Variants in DSCAML1 observed in about 807,000 individuals in gnomAD.
DSCAML1 encodes the protein DS cell adhesion molecule like 1.
Under a neutral mutation model 200.5 loss-of-function variants are expected in DSCAML1, and 38 were observed. The ratio of observed to expected loss-of-function variants is 0.19; its 90% CI spans 0.15 to 0.25. The LOEUF (loss-of-function observed/expected upper bound fraction) is 0.25. DSCAML1 is among the 10% of genes least tolerant of loss of function. The pLI, the probability that DSCAML1 is intolerant of heterozygous loss-of-function variation, is 1.00. For synonymous variants in DSCAML1, 1,215 were observed against 1,165.0 expected, an observed-to-expected ratio of 1.04 and a Z score of -0.87; for missense variants, 2,223 against 2,858.8, an observed-to-expected ratio of 0.78 and a Z score of 5.07.
Position 117,517,418 on chromosome 11 carries a change from G to A in DSCAML1, c.1511-679C>T, listed in dbSNP as rs571146485. 2.0e-5 allele frequency among the ~76,000 whole-genome samples: 3 copies of A among 152,194 alleles called. No homozygotes were observed. In the East Asian group the frequency reaches 5.8e-4, roughly 29 times the overall value. On this transcript the variant is annotated intron_variant, in intron 7 of 32. Coordinates refer to ENST00000651296, the MANE Select transcript of DSCAML1 (RefSeq NM_020693.4). Reference sequence around the variant, plus strand: ...TACCAAGCAAGACAGTGCTCCACAGGGTACAAGGTACTCTCTGGGCCTCAG... The same window carrying A: ...TACCAAGCAAGACAGTGCTCCACAGAGTACAAGGTACTCTCTGGGCCTCAG...
At chr11:117,460,170 C>A (rs891452733) in intron 18 of DSCAML1, among the ~76,000 whole-genome samples, 6 of 152,238 alleles carry the variant, frequency 3.9e-5, no homozygotes, top group African/African-American at 1.2e-4. Flanking sequence ...GGGAACCACC[C>A]TTTACTTGGT....
chr11:117,432,649 C>A, intron 29 of DSCAML1, 145 bp from the exon 30 acceptor site: 1 of 924,430 alleles, frequency 1.1e-6, no homozygotes, highest in Non-Finnish European at 1.6e-6. Flanking sequence ...CAGGGTCTCA[C>A]TCTGTTGCCC....
At chr11:117,639,768 G>C (rs1289641441) in intron 3 of DSCAML1, among the ~76,000 whole-genome samples, 1 of 152,120 alleles carries the variant, frequency 6.6e-6, no homozygotes, top group Non-Finnish European at 1.5e-5. Flanking sequence ...CAGTATGAGA[G>C]AACTGGTAGT....
chr11:117,432,486 A>T lies in DSCAML1; in HGVS notation c.5045T>A (p.Ile1682Asn), dbSNP rs759050432. 1.4e-5 allele frequency: 22 copies of T among 1,614,000 alleles called. 1 individual carries two copies. The highest frequency in any genetic ancestry group is 4.5e-5 in the East Asian group (2 of 44,888). ...GCTGAACTCAGCATCTGTCACAGGGATGGTGGCCTTGTCATCTCCTGGGGA... is the reference window on the plus strand; with the variant it reads ...GCTGAACTCAGCATCTGTCACAGGGTTGGTGGCCTTGTCATCTCCTGGGGA... ...IKQLGDDKAT[I>N]PVTDAEFSQA... The change falls in exon 30 of 33, where the codon ATC becomes AAC. Residue 1682 changes from isoleucine (I) to asparagine (N), a missense_variant. Physicochemically the swap from Ile to Asn is moderately radical, Grantham distance 149. Transcript: ENST00000651296.
chr11:117,645,589 T>C (rs2052505365), intron 3 of DSCAML1, among the ~76,000 whole-genome samples: 1 of 152,112 alleles, frequency 6.6e-6, no homozygotes, highest in South Asian at 2.1e-4. Context: ...GACGAGTTCA[T>C]GTCTTTTGTA....
intron 3 of DSCAML1, chr11:117,668,355 T>C (rs2053023447): frequency 6.6e-6 from 1 of 152,134 alleles, no homozygotes; most frequent in African/African-American, 2.4e-5. Context: ...CAGGATCAGT[T>C]CATTCCAGAG....
At chr11:117,804,976 A>G (rs2055697306) in intron 1 of DSCAML1, among the ~76,000 whole-genome samples, 1 of 152,088 alleles carries the variant, frequency 6.6e-6, no homozygotes, top group Non-Finnish European at 1.5e-5. Flanking sequence ...ATGAATCCGG[A>G]TGAGGTCTGA....
At chr11:117,527,339 C>T (rs1037000633) in intron 4 of DSCAML1, among the ~76,000 whole-genome samples, 4 of 152,174 alleles carry the variant, frequency 2.6e-5, no homozygotes, top group Non-Finnish European at 5.9e-5. Context: ...CCAGAGGCAG[C>T]CCCCATCAGC....
At position 117,428,589 on chromosome 11, in the gene DSCAML1, G is replaced by A. The variant is rs768475986; in HGVS notation, c.5901C>T (p.Ala1967=). 1 of 1,596,228 alleles carries A rather than the reference G, an allele frequency of 6.3e-7. No homozygotes were observed. The highest frequency in any genetic ancestry group is 1.1e-5 in the South Asian group (1 of 88,218). Residue 1967 remains alanine, a synonymous_variant, in exon 33 of 33, where the codon GCC becomes GCT. Transcript: ENST00000651296. ...HPGAPAAAST[A]TLPQRTLAMP... is the part of the protein sequence containing the mutation. ...TGGCCAGAGTCCTCTGAGGTAAGGT[G>A]GCTGTGGAGGCGGCAGCGGGGGCCC...
intron 3 of DSCAML1, among the ~76,000 whole-genome samples, chr11:117,581,573 T>A (rs1448893522): frequency 6.6e-6 from 1 of 152,222 alleles, no homozygotes; most frequent in East Asian, 1.9e-4. Context: ...CAAGTCTGGC[T>A]TCTTTCACTT....
At chr11:117,494,529 A>T (rs1392355343) in intron 11 of DSCAML1, among the ~76,000 whole-genome samples, 1 of 152,214 alleles carries the variant, frequency 6.6e-6, no homozygotes, top group Non-Finnish European at 1.5e-5. Context: ...TGTCAGTTTC[A>T]GATGCTGGAA....
chr11:117,812,624 ACTGCCACAAGG>A (rs2055770604), intron 1 of DSCAML1, among the ~76,000 whole-genome samples: 1 of 151,916 alleles, frequency 6.6e-6, no homozygotes, highest in Non-Finnish European at 1.5e-5. Flanking sequence ...CCTGGGCTGT[ACTGCCACAAGG>A]CTTCACAGAC....
At chr11:117,456,962 A>T (rs2048383192) in intron 19 of DSCAML1, among the ~76,000 whole-genome samples, 1 of 152,142 alleles carries the variant, frequency 6.6e-6, no homozygotes. Context: ...GGTGTGAGCC[A>T]CTGCATCCGG....
chr11:117,478,974 T>C (rs1006530282), intron 14 of DSCAML1, among the ~76,000 whole-genome samples: 3 of 152,258 alleles, frequency 2.0e-5, no homozygotes, highest in Non-Finnish European at 4.4e-5. Flanking sequence ...GGTTTGTCTC[T>C]GTAGACATGT....
chr11:117,684,720 T>C (rs182616326), intron 3 of DSCAML1, among the ~76,000 whole-genome samples: 2 of 152,250 alleles, frequency 1.3e-5, no homozygotes, highest in African/African-American at 4.8e-5. Flanking sequence ...GCCAAGAATG[T>C]AAAATTGAAA....
intron 3 of DSCAML1, among the ~76,000 whole-genome samples, chr11:117,713,275 C>T (rs903543494): frequency 6.6e-6 from 1 of 152,136 alleles, no homozygotes; most frequent in African/African-American, 2.4e-5. Context: ...GCCACCACAC[C>T]CAGCTAATTT....
At chr11:117,706,889 C>A (rs956440284) in intron 3 of DSCAML1, among the ~76,000 whole-genome samples, 4 of 152,144 alleles carry the variant, frequency 2.6e-5, no homozygotes, top group Non-Finnish European at 5.9e-5. Flanking sequence ...GGCTTTAGAC[C>A]TTTGTCTACT....
chr11:117,618,005 C>T (rs145168261), intron 3 of DSCAML1, among the ~76,000 whole-genome samples: 176 of 152,254 alleles, frequency 1.2e-3, no homozygotes, highest in African/African-American at 3.3e-3. Context: ...ATAATAATGT[C>T]TCTCTCTCCC....
chr11:117,780,519 C>A lies in DSCAML1; in HGVS notation c.338G>T (p.Arg113Leu), dbSNP rs780931031. 1 of 1,453,662 alleles carries A rather than the reference C, an allele frequency of 6.9e-7. No individual in the cohort carries two copies. Among genetic ancestry groups the A allele is most frequent in the African/African-American group, 1.4e-5 (1 of 69,514 alleles). 90.0% of individuals were successfully genotyped at this position (1,453,662 alleles called of 1,614,324 possible). Residue 113 changes from arginine to leucine, a missense_variant, in exon 2 of 33, where the codon CGG (arginine) becomes CTG (leucine). Arg to Leu is a moderately radical substitution (Grantham distance 102). Around this residue, in one of 7 missense-constraint regions of DSCAML1, gnomAD observed 579 missense variants for 721.5 expected, o/e 0.80. Transcript: ENST00000651296. This position sits in a 1 kb window ranked among gnomAD's most constrained non-coding sequence, Gnocchi z 4.8. ...CTAENAAGKI[R>L]SPNIRVKAVF... ...TGCTTTGACGCGGATGTTGGGGCTCCGGATCTTGCCGGCAGCGTTCTCCGC... is the reference window on the plus strand; with the variant it reads ...TGCTTTGACGCGGATGTTGGGGCTCAGGATCTTGCCGGCAGCGTTCTCCGC...
Sources: allele counts gnomAD v4.1 joint callset (sites outside exome capture counted in the v4.1 genomes callset), GRCh38; gene constraint gnomAD v4.1.1; regional missense constraint gnomAD v4.1.1; non-coding constraint Gnocchi (gnomAD v3.1); transcripts MANE v1.5; gene names NCBI Gene and HGNC (gene_info 2026-07-23, HGNC 2026-07-21).